The following ZYG11A variants were observed in gnomAD, a reference collection of about 807,000 sequenced individuals.
ZYG11A encodes the protein zyg-11 family member A, cell cycle regulator.
ZYG11A carries 62 observed loss-of-function variants against 77.2 expected under a neutral mutation model. The ratio of observed to expected loss-of-function variants is 0.80; its 90% confidence interval spans 0.65 to 0.99. ZYG11A has a LOEUF of 0.99. Ranked by LOEUF, ZYG11A falls within the 50% of genes least tolerant of loss-of-function variation. ZYG11A has a pLI of 0.00. For missense variants in ZYG11A, 828 were observed against 896.8 expected (o/e 0.92, Z 0.98); for synonymous variants, 315 against 324.6 (o/e 0.97, Z 0.32).
At position 52,881,611 on chromosome 1, in the gene ZYG11A, C is replaced by T. The variant is rs1447669359; in HGVS notation, c.1890C>T (p.Asp630=). ...AAGIIAHLTS[D]RQLWISRDFQ... ...GTATCATAGCCCACCTGACATCTGA[C>T]AGACAGCTTTGGATATCCCGTGACT... The change falls in exon 11 of 14, where the codon GAC becomes GAT. Residue 630 remains aspartate (D), a synonymous_variant. Coordinates refer to ENST00000371528, the MANE Select transcript of ZYG11A (RefSeq NM_001004339.3). The T allele has an allele frequency of 1.3e-6, 2 of 1,552,360 alleles. No individual in the cohort carries two copies. The highest frequency in any genetic ancestry group is 2.4e-5 in the East Asian group (1 of 40,928).
chr1:52,873,767 C>T (rs1407250221), intron 8 of ZYG11A, among the ~76,000 whole-genome samples: 13 of 152,122 alleles, frequency 8.5e-5, no homozygotes, highest in South Asian at 2.1e-4. Context: ...GGGTGGATCA[C>T]GAGGTTAAGA....
chr1:52,870,887 G>T (rs1646149942), intron 8 of ZYG11A, among the ~76,000 whole-genome samples: 1 of 151,544 alleles, frequency 6.6e-6, no homozygotes, highest in Non-Finnish European at 1.5e-5. Context: ...GGAGGGGGAG[G>T]GGGAGAGGGA....
chr1:52,874,724 G>A (rs1646232341), intron 8 of ZYG11A, among the ~76,000 whole-genome samples: 1 of 151,978 alleles, frequency 6.6e-6, no homozygotes, highest in Admixed American at 6.6e-5. Context: ...AAAATTAGCC[G>A]GGTGGGGTGG....
At chr1:52,869,705 TC>T (rs1646104454) in intron 8 of ZYG11A, among the ~76,000 whole-genome samples, 1 of 151,834 alleles carries the variant, frequency 6.6e-6, no homozygotes, top group South Asian at 2.1e-4. Flanking sequence ...TTCCTCCTTT[TC>T]TATTCCACAA....
rs539901097 is a variant in ZYG11A at position 52,885,157 on chromosome 1, G to A, written c.1945-676G>A. Among the ~76,000 whole-genome samples the A allele has an allele frequency of 5.9e-5, 9 of 152,046 alleles. No homozygotes were observed. In the South Asian group the frequency reaches 1.7e-3, roughly 28 times the overall value. On this transcript the variant is annotated intron_variant, in intron 11 of 13. Coordinates refer to ENST00000371528, the MANE Select transcript of ZYG11A (RefSeq NM_001004339.3). ...ACTCCTGACCCCAGGTGATCTACCC[G>A]CCTTGGCCTCCCAAGTGCTGAGATT...
chr1:52,866,321 A>G (rs1646026806), intron 5 of ZYG11A, among the ~76,000 whole-genome samples, 182 bp from the exon 6 acceptor site: 1 of 152,118 alleles, frequency 6.6e-6, no homozygotes, highest in South Asian at 2.1e-4. Context: ...GGAAAATCCT[A>G]CTCAAGTCTT....
intron 8 of ZYG11A, among the ~76,000 whole-genome samples, chr1:52,875,943 T>A (rs1646254307): frequency 1.3e-5 from 2 of 151,170 alleles, no homozygotes; most frequent in Admixed American, 6.6e-5. Flanking sequence ...TGGTGCTGAA[T>A]CTCTGTATGT....
intron 13 of ZYG11A, among the ~76,000 whole-genome samples, chr1:52,888,281 T>G (rs527596080): frequency 6.6e-6 from 1 of 152,338 alleles, no homozygotes; most frequent in African/African-American, 2.4e-5. Context: ...TTCAACTGAA[T>G]AGGTAAGAGA....
At chr1:52,856,812 A>G (rs1011011251) in intron 2 of ZYG11A, among the ~76,000 whole-genome samples, 186 bp from the exon 3 acceptor site, 2 of 152,210 alleles carry the variant, frequency 1.3e-5, no homozygotes, top group African/African-American at 4.8e-5. Context: ...ATTCCTTTAT[A>G]GTATTAATGC....
Position 52,857,667 on chromosome 1 carries a change from T to G in ZYG11A, c.926T>G (p.Leu309Arg). Residue 309 changes from leucine (L) to arginine (R), a missense_variant, in exon 3 of 14, where the codon CTG becomes CGG. Coordinates refer to ENST00000371528, the MANE Select transcript of ZYG11A (RefSeq NM_001004339.3). ...GAAGCTGTAGAACTGTTTATACGAC[T>G]GCGGCCTGCCATGCAATTTGTGGGA... ...TDEAVELFIR[L>R]RPAMQFVGLL... 1.9e-5 allele frequency: 29 copies of G among 1,552,226 alleles called. No homozygotes were observed. Among genetic ancestry groups the G allele is most frequent in the Non-Finnish European group, 2.5e-5 (29 of 1,147,094 alleles).
chr1:52,859,206 C>A (rs186612972), intron 3 of ZYG11A, among the ~76,000 whole-genome samples: 63 of 151,770 alleles, frequency 4.2e-4, no homozygotes, highest in African/African-American at 1.5e-3. Flanking sequence ...CCTGCTCTGT[C>A]GCCCAGGCTG....
At position 52,867,615 on chromosome 1, in the gene ZYG11A, GTCACCTCTAT is replaced by G. The variant is rs1557443165; in HGVS notation, c.1471_1480del (p.Thr491TrpfsTer24). On this transcript the variant is annotated frameshift_variant, in exon 7 of 14. Coordinates refer to ENST00000371528, the MANE Select transcript of ZYG11A (RefSeq NM_001004339.3). LOFTEE classifies it high-confidence loss of function. ...CAAGATGCAAACAATGGCAGTGAGT[GTCACCTCTAT>G]TCTGGCTCTGCAGGTTTGTGATTTC... 6.4e-7 allele frequency: 1 copy of G among 1,552,234 alleles called. No individual in the cohort carries two copies. The highest frequency in any genetic ancestry group is 2.0e-5 in the Admixed American group (1 of 50,990).
At chr1:52,858,657 G>C (rs1437448303) in intron 3 of ZYG11A, among the ~76,000 whole-genome samples, 1 of 150,722 alleles carries the variant, frequency 6.6e-6, no homozygotes. Context: ...TTGTTGCCCA[G>C]GGTGGAGTGC....
intron 1 of ZYG11A, among the ~76,000 whole-genome samples, chr1:52,843,607 A>G (rs1200622568): frequency 2.0e-5 from 3 of 151,894 alleles, no homozygotes; most frequent in African/African-American, 7.3e-5. Context: ...TGTTACTCTT[A>G]GCTCTGGACA....
At chr1:52,874,916 A>G (rs1646235559) in intron 8 of ZYG11A, among the ~76,000 whole-genome samples, 1 of 152,236 alleles carries the variant, frequency 6.6e-6, no homozygotes, top group Admixed American at 6.5e-5. Flanking sequence ...TTGCACACTT[A>G]ATAGACTACA....
rs755211860 is a variant in ZYG11A, at chr1:52,887,025, G to C, written c.2076G>C (p.Trp692Cys). 7 of 1,543,886 alleles carry C rather than the reference G, an allele frequency of 4.5e-6. No homozygotes were observed. The South Asian group carries it at 8.4e-5, about 18-fold the overall frequency. Residue 692 changes from tryptophan to cysteine, a missense_variant, in exon 13 of 14, where the codon TGG becomes TGC. By Grantham distance (215) the Trp-to-Cys change is radical (BLOSUM62 -2). Coordinates refer to ENST00000371528, the MANE Select transcript of ZYG11A (RefSeq NM_001004339.3). ...CAGAGGTTCAGCTCTGGGCACTATG[G>C]GCTATGTATCATGTCTGCAGTAAAA... ...SQPEVQLWAL[W>C]AMYHVCSKNP...
intron 8 of ZYG11A, among the ~76,000 whole-genome samples, chr1:52,868,298 G>A (rs1014451830): frequency 2.0e-5 from 3 of 152,142 alleles, no homozygotes; most frequent in East Asian, 1.9e-4. Context: ...TGCATATACT[G>A]TAGTTTCTTG....
intron 8 of ZYG11A, among the ~76,000 whole-genome samples, chr1:52,869,081 C>T (rs1334819951): frequency 6.6e-6 from 1 of 152,156 alleles, no homozygotes; most frequent in Non-Finnish European, 1.5e-5. Flanking sequence ...CCTGCCTTGG[C>T]CTCCCAAAGT....
At chr1:52,860,541 C>T (rs562394936) in intron 3 of ZYG11A, among the ~76,000 whole-genome samples, 190 bp from the exon 4 acceptor site, 2 of 152,294 alleles carry the variant, frequency 1.3e-5, no homozygotes, top group East Asian at 3.9e-4. Flanking sequence ...GGGTGATTCA[C>T]CTGCCTCAGC....
Sources: allele counts gnomAD v4.1 joint callset (sites outside exome capture counted in the v4.1 genomes callset), GRCh38; gene constraint gnomAD v4.1.1; transcripts MANE v1.5; gene names NCBI Gene and HGNC (gene_info 2026-07-23, HGNC 2026-07-21).